Variants in GRID2 observed in about 807,000 individuals in gnomAD.
The protein encoded by GRID2 is glutamate receptor ionotropic, delta-2.
In GRID2, 33 loss-of-function variants were observed where a neutral mutation model predicts 114.8. That is an observed-to-expected ratio of 0.29 (90% confidence interval 0.22 to 0.38). The LOEUF (loss-of-function observed/expected upper bound fraction) is 0.38, where lower values mean the gene tolerates loss of function less well. GRID2 is among the 10% of genes least tolerant of loss of function. The pLI, the probability that GRID2 is intolerant of heterozygous loss-of-function variation, is 1.00. For missense variants in GRID2, 1,184 were observed against 1,257.7 expected, an observed-to-expected ratio of 0.94 and a Z score of 0.89; for synonymous variants, 505 against 449.9, an observed-to-expected ratio of 1.12 and a Z score of -1.55.
intron 10 of GRID2, among the ~76,000 whole-genome samples, chr4:93,425,574 C>T (rs1768762885): frequency 6.6e-6 from 1 of 152,154 alleles, no homozygotes; most frequent in South Asian, 2.1e-4. Flanking sequence ...CTAGCCATTA[C>T]TCTTTGCTAA....
intron 9 of GRID2, among the ~76,000 whole-genome samples, chr4:93,404,031 A>G (rs1469000925): frequency 6.6e-6 from 1 of 152,200 alleles, no homozygotes; most frequent in African/African-American, 2.4e-5. Context: ...AAAATGGAAT[A>G]TTATTTGGCA....
intron 12 of GRID2, among the ~76,000 whole-genome samples, chr4:93,514,413 C>T (rs1255523440): frequency 1.4e-5 from 2 of 139,934 alleles, no homozygotes; most frequent in Non-Finnish European, 3.1e-5. Flanking sequence ...GCTCCCCCCA[C>T]CTCCACAGTA....
At chr4:93,421,753 G>C (rs1768307758) in intron 9 of GRID2, among the ~76,000 whole-genome samples, 1 of 151,592 alleles carries the variant, frequency 6.6e-6, no homozygotes, top group Admixed American at 6.6e-5. Flanking sequence ...AACAGGTGCA[G>C]TGATTTTATA....
rs554336204 is a variant in GRID2 at position 92,864,043 on chromosome 4, T to C, written c.245-220952T>C. Among the ~76,000 whole-genome samples the C allele has an allele frequency of 1.1e-4, 17 of 152,286 alleles. No individual in the cohort carries two copies. The South Asian group carries it at 3.5e-3, about 32-fold the overall frequency. ...CACGCCTCAAGGTGCTTCCCATTAA[T>C]AAGATGAATAAAATTAAACAGTTAC... is the stretch of plus-strand genomic sequence containing the variant. On this transcript the variant is annotated intron_variant, in intron 2 of 15. Transcript: ENST00000282020.
intron 9 of GRID2, among the ~76,000 whole-genome samples, chr4:93,408,268 T>C (rs1316644364): frequency 6.6e-6 from 1 of 152,174 alleles, no homozygotes; most frequent in Non-Finnish European, 1.5e-5. Context: ...GATACACGTC[T>C]CAGGAATTAA....
In GRID2 at chr4:92,481,335, G is replaced by A. The variant is rs1476870308; in HGVS notation, c.89-108796G>A. Among the ~76,000 whole-genome samples the A allele has an allele frequency of 2.0e-5, 3 of 152,100 alleles. 1 individual carries two copies. Among genetic ancestry groups the A allele is most frequent in the South Asian group, 4.1e-4 (2 of 4,830 alleles). On this transcript the variant is annotated intron_variant, in intron 1 of 15. Transcript: ENST00000282020. Reference sequence around the variant, plus strand: ...AAATTACGGAAAGAAAAAGATAGAGGTAATTACTCCAGGATAAGTGTTCAT... The same window carrying A: ...AAATTACGGAAAGAAAAAGATAGAGATAATTACTCCAGGATAAGTGTTCAT...
At chr4:92,398,288 T>C (rs1040467491) in intron 1 of GRID2, among the ~76,000 whole-genome samples, 4 of 152,146 alleles carry the variant, frequency 2.6e-5, no homozygotes, top group Admixed American at 6.6e-5. Context: ...TATTATTATT[T>C]CACTATTATT....
intron 8 of GRID2, among the ~76,000 whole-genome samples, chr4:93,313,212 C>A (rs576388247): frequency 2.6e-5 from 4 of 152,156 alleles, no homozygotes; most frequent in Admixed American, 1.3e-4. Context: ...GCCTTGTATT[C>A]TGCAGATTTC....
intron 1 of GRID2, among the ~76,000 whole-genome samples, chr4:92,524,407 C>CTTTTTTTTTTTTTTTT (rs869060153): frequency 1.0e-4 from 11 of 106,552 alleles, no homozygotes; most frequent in African/African-American, 2.0e-4. Flanking sequence ...ATTTCCTTGT[C>CTTTTTTTTTTTTTTTT]TTTTTTTTTT....
At chr4:92,600,291 G>T (rs746402293) in intron 2 of GRID2, among the ~76,000 whole-genome samples, 1 of 151,504 alleles carries the variant, frequency 6.6e-6, no homozygotes, top group Non-Finnish European at 1.5e-5. Context: ...TTAAACCTGA[G>T]CAAGGTATAG....
At chr4:93,234,563 A>G (rs576498986) in intron 7 of GRID2, among the ~76,000 whole-genome samples, 3 of 151,966 alleles carry the variant, frequency 2.0e-5, no homozygotes, top group East Asian at 3.9e-4. Context: ...ATATATGTAT[A>G]TATACACACA....
intron 1 of GRID2, among the ~76,000 whole-genome samples, chr4:93,797,784 C>T (rs1734832743): frequency 6.7e-6 from 1 of 149,094 alleles, no homozygotes; most frequent in Admixed American, 6.8e-5. Flanking sequence ...GGCAGACATA[C>T]CAGAGACTTA....
At chr4:92,949,606 G>A (rs938506035) in intron 2 of GRID2, among the ~76,000 whole-genome samples, 1 of 151,314 alleles carries the variant, frequency 6.6e-6, no homozygotes, top group Non-Finnish European at 1.5e-5. Context: ...AATTGCTTTA[G>A]CAATGATCTA....
chr4:92,717,513 G>A (rs553343760), intron 2 of GRID2, among the ~76,000 whole-genome samples: 4 of 152,248 alleles, frequency 2.6e-5, no homozygotes, highest in South Asian at 4.1e-4. Context: ...TTTAGTTAAA[G>A]CACCATATGG....
At chr4:93,441,876 G>A (rs748877407) in intron 10 of GRID2, among the ~76,000 whole-genome samples, 8 of 151,596 alleles carry the variant, frequency 5.3e-5, no homozygotes, top group African/African-American at 1.2e-4. Context: ...AAAAAAATCC[G>A]GAGACCTAAC....
intron 2 of GRID2, among the ~76,000 whole-genome samples, chr4:92,601,749 A>T (rs1467510826): frequency 1.3e-5 from 2 of 151,946 alleles, no homozygotes; most frequent in Non-Finnish European, 2.9e-5. Flanking sequence ...ATTATTATTT[A>T]TTTAAAAATG....
chr4:92,520,829 A>G (rs1441072838), intron 1 of GRID2, among the ~76,000 whole-genome samples: 4 of 151,936 alleles, frequency 2.6e-5, no homozygotes, highest in Non-Finnish European at 4.4e-5. Context: ...ACATAGAAGC[A>G]TTCCTCCCTT....
intron 1 of GRID2, among the ~76,000 whole-genome samples, chr4:92,480,297 TAATC>T (rs1259462428): frequency 1.3e-5 from 2 of 152,158 alleles, no homozygotes; most frequent in African/African-American, 4.8e-5. Flanking sequence ...CAAAAATCAT[TAATC>T]AAATTTTATT....
In GRID2 at chr4:92,590,263, A is replaced by T; in HGVS notation, c.221A>T (p.Asn74Ile). Residue 74 changes from asparagine to isoleucine, a missense_variant, in exon 2 of 16, where the codon AAC becomes ATC. Transcript: ENST00000282020. ...TCAGTGACGTTTGTTGATGGCAACA[A>T]CCCTTTCCAAGCAGTTCAAGAAGGT... ...TFSVTFVDGN[N>I]PFQAVQEACE... The T allele has an allele frequency of 6.2e-7, 1 of 1,613,396 alleles. No homozygotes were observed. Among genetic ancestry groups the T allele is most frequent in the Non-Finnish European group, 8.5e-7 (1 of 1,179,558 alleles).
Sources: gnomAD v4.1 joint callset for allele counts (sites outside exome capture counted in the v4.1 genomes callset) on GRCh38, gnomAD v4.1.1 for gene constraint, MANE v1.5 for transcripts, NCBI Gene and HGNC (gene_info 2026-07-23, HGNC 2026-07-21) for gene names.